Variants in C6orf62 observed in about 807,000 individuals in gnomAD.
C6orf62 encodes chromosome 6 open reading frame 62.
Under a neutral mutation model 26.8 loss-of-function variants are expected in C6orf62, and 16 were observed. That is an observed-to-expected ratio of 0.60 (90% confidence interval 0.40 to 0.91). The LOEUF (loss-of-function observed/expected upper bound fraction) is 0.91, where lower values mean the gene tolerates loss of function less well. Ranked by LOEUF, C6orf62 falls within the 40% of genes least tolerant of loss-of-function variation. The pLI is 0.00. For synonymous variants in C6orf62, 112 were observed against 91.5 expected, an observed-to-expected ratio of 1.22 and a Z score of -1.28; for missense variants, 192 against 271.4, an observed-to-expected ratio of 0.71 and a Z score of 2.06.
In C6orf62 at chr6:24,705,935, G is replaced by C; in HGVS notation, c.*202C>G. The C allele has an allele frequency of 1.5e-6, 1 of 648,172 alleles. No individual in the cohort carries two copies. The allele number at this position is 648,172 out of a possible 1,614,324, so 40.2% of individuals were successfully genotyped here. On this transcript the variant is annotated 3_prime_UTR_variant, in exon 5 of 5. Transcript: ENST00000378119. ...TATGCAAAGCATCTTCTTTCACACA[G>C]TCCGTGCACGACATCTAATTTTTGT...
chr6:24,713,005 A>T (rs993841177), intron 3 of C6orf62, among the ~76,000 whole-genome samples: 1 of 152,200 alleles, frequency 6.6e-6, no homozygotes, highest in Non-Finnish European at 1.5e-5. Flanking sequence ...TGCCTTTTAT[A>T]TTCATTTTCT....
At chr6:24,711,257 AACAC>A (rs543468636) in intron 3 of C6orf62, among the ~76,000 whole-genome samples, 3 of 150,948 alleles carry the variant, frequency 2.0e-5, no homozygotes, top group Non-Finnish European at 4.4e-5. Flanking sequence ...CACACACACA[AACAC>A]ACACACACAA....
intron 3 of C6orf62, among the ~76,000 whole-genome samples, chr6:24,712,807 A>G (rs1341664626): frequency 6.6e-6 from 1 of 152,188 alleles, no homozygotes; most frequent in Non-Finnish European, 1.5e-5. Flanking sequence ...TATTTCAAAT[A>G]AGGTCCCAGT....
intron 1 of C6orf62, 55 bp downstream of exon 1, chr6:24,718,475 GTAACAAATAA>G (rs2127636853): frequency 6.9e-7 from 1 of 1,440,562 alleles, no homozygotes; most frequent in East Asian, 2.3e-5. Context: ...TAATTTAAGA[GTAACAAATAA>G]TATACACTTA....
rs9461052 is a variant in C6orf62, at chr6:24,705,313, C to G, written c.*824G>C. 2 of 151,506 alleles carry G rather than the reference C, an allele frequency of 1.3e-5. No individual in the cohort carries two copies. The highest frequency in any genetic ancestry group is 4.2e-4 in the South Asian group (2 of 4,810). 9.4% of individuals were successfully genotyped at this position (151,506 alleles called of 1,614,324 possible). The stretch of plus-strand genomic sequence containing the variant: ...AATAAAAATCTCTTCTCTGTAAAAC[C>G]AAAAACAAAACAAAACAAAACAAAA... On this transcript the variant is annotated 3_prime_UTR_variant, in exon 5 of 5. Coordinates refer to ENST00000378119, the MANE Select transcript of C6orf62 (RefSeq NM_030939.5).
intron 4 of C6orf62, 99 bp downstream of exon 4, chr6:24,708,678 T>G: frequency 6.7e-7 from 1 of 1,487,628 alleles, no homozygotes; most frequent in Non-Finnish European, 9.3e-7. Flanking sequence ...TAATGCAGTG[T>G]TTGGGGGACA....
intron 1 of C6orf62, among the ~76,000 whole-genome samples, chr6:24,717,805 T>A (rs1779263330): frequency 6.6e-6 from 1 of 152,238 alleles, no homozygotes; most frequent in African/African-American, 2.4e-5. Context: ...TAAGCCTTGC[T>A]GATAATTTAA....
upstream of C6orf62, chr6:24,719,155 CAAAAAA>C (rs5875002): frequency 1.0e-4 from 89 of 877,230 alleles, no homozygotes; most frequent in Non-Finnish European, 1.1e-4. Flanking sequence ...CCTTGCTTTC[CAAAAAA>C]AAAAAAAAAA....
intron 3 of C6orf62, 146 bp from the exon 4 acceptor site, chr6:24,709,057 A>G (rs1779070278): frequency 6.9e-7 from 1 of 1,449,374 alleles, no homozygotes; most frequent in African/African-American, 1.4e-5. Flanking sequence ...GCAAACCCAC[A>G]GCCAATAATA....
chr6:24,709,927 T>A lies in C6orf62; in HGVS notation c.430-1016A>T, dbSNP rs369845668. 48 of 985,460 alleles carry A rather than the reference T, an allele frequency of 4.9e-5. 1 individual carries two copies. The South Asian group carries it at 2.0e-3, about 41-fold the overall frequency. 61.0% of individuals were successfully genotyped at this position (985,460 alleles called of 1,614,324 possible). A position where few individuals can be genotyped will look rare whatever the true frequency, so the allele number is the denominator to read the frequency against. On this transcript the variant is annotated intron_variant, in intron 3 of 4. Transcript: ENST00000378119. ...TTTATTGCCGTTACGTCAAAAACAG[T>A]AGGAAATAATAACATTGAAAAACCA...
At chr6:24,708,111 A>T (rs368026946) in intron 4 of C6orf62, among the ~76,000 whole-genome samples, 255 of 152,222 alleles carry the variant, frequency 1.7e-3, no homozygotes, top group African/African-American at 4.0e-3. Flanking sequence ...AGAGCCTGAG[A>T]GTCTATATTT....
chr6:24,706,478 C>G (rs1341475783), intron 4 of C6orf62, among the ~76,000 whole-genome samples: 2 of 152,064 alleles, frequency 1.3e-5, no homozygotes, highest in Non-Finnish European at 2.9e-5. Flanking sequence ...GGAAGTAAAC[C>G]AGAGACTACT....
Position 24,716,342 on chromosome 6 carries a change from GGT to G in C6orf62, c.130-20_130-19del. 6.2e-7 allele frequency: 1 copy of G among 1,602,588 alleles called. No homozygotes were observed. The highest frequency in any genetic ancestry group is 2.2e-5 in the East Asian group (1 of 44,798). On this transcript the variant is annotated intron_variant, in intron 1 of 4. Transcript: ENST00000378119. ...TTTTTCTTCTAGAAGAAAAGAAAATGGTGTATTAACCCACAGGGAGCACAGCC... is the reference window on the plus strand; with the variant it reads ...TTTTTCTTCTAGAAGAAAAGAAAATGGTATTAACCCACAGGGAGCACAGCC...
intron 1 of C6orf62, among the ~76,000 whole-genome samples, chr6:24,716,871 G>A (rs1779244829): frequency 6.6e-6 from 1 of 152,006 alleles, no homozygotes; most frequent in Non-Finnish European, 1.5e-5. Flanking sequence ...TTACAGGCCT[G>A]CGCCACCACA....
chr6:24,714,257 C>A, intron 3 of C6orf62, 61 bp downstream of exon 3: 6 of 1,317,644 alleles, frequency 4.6e-6, no homozygotes, highest in Non-Finnish European at 6.2e-6. Context: ...CAAGTTAGAC[C>A]CTATTATATT....
At chr6:24,712,308 G>A (rs1449963395) in intron 3 of C6orf62, among the ~76,000 whole-genome samples, 1 of 152,014 alleles carries the variant, frequency 6.6e-6, no homozygotes, top group East Asian at 1.9e-4. Flanking sequence ...CTCAAACCTG[G>A]GAGGCAGAGG....
In C6orf62 at chr6:24,706,110, ATC is replaced by A. The variant is rs1562166751; in HGVS notation, c.*25_*26del. The A allele has an allele frequency of 1.8e-5, 29 of 1,607,188 alleles. No homozygotes were observed. The highest frequency in any genetic ancestry group is 2.2e-5 in the Non-Finnish European group (26 of 1,176,996). On this transcript the variant is annotated 3_prime_UTR_variant, in exon 5 of 5. Transcript: ENST00000378119. ...AAAAAAACTGCTGCTGCATTCTCTGATCTTCTCCATTTTGCTGGTCAGTACTC... is the reference window on the plus strand; with the variant it reads ...AAAAAAACTGCTGCTGCATTCTCTGATTCTCCATTTTGCTGGTCAGTACTC...
At chr6:24,712,551 C>T (rs570604228) in intron 3 of C6orf62, among the ~76,000 whole-genome samples, 72 of 151,758 alleles carry the variant, frequency 4.7e-4, no homozygotes, top group African/African-American at 1.6e-3. Context: ...TCCCTGTAGA[C>T]CCAGCTACTC....
rs766197948 is a variant in C6orf62, at chr6:24,718,559, G to A, written c.110C>T (p.Ala37Val). ...ADQFDFKMYI[A>V]FVFKEKKKKS... ...AATTACCTTCTCCTTGAATACAAAG[G>A]CAATATACATCTTGAAGTCAAACTG... is the stretch of plus-strand genomic sequence containing the variant. Residue 37 changes from alanine (A) to valine (V), a missense_variant, in exon 1 of 5, where the codon GCC (alanine) becomes GTC (valine). By Grantham distance (64) the Ala-to-Val change is moderately conservative. Coordinates refer to ENST00000378119, the MANE Select transcript of C6orf62 (RefSeq NM_030939.5). The A allele has an allele frequency of 3.4e-5, 54 of 1,610,602 alleles. No homozygotes were observed. Among genetic ancestry groups the A allele is most frequent in the Non-Finnish European group, 4.3e-5 (51 of 1,177,452 alleles).
Sources: gnomAD v4.1 joint callset for allele counts (sites outside exome capture counted in the v4.1 genomes callset) on GRCh38, gnomAD v4.1.1 for gene constraint, MANE v1.5 for transcripts, NCBI Gene and HGNC (gene_info 2026-07-23, HGNC 2026-07-21) for gene names.